CRISPLD2: variants seen among roughly 807,000 people sequenced by gnomAD.
CRISPLD2 encodes cysteine rich secretory protein LCCL domain containing 2.
Under a neutral mutation model 71.1 loss-of-function variants are expected in CRISPLD2, and 47 were observed. That is an observed-to-expected ratio of 0.66 (90% CI 0.52 to 0.84). CRISPLD2 has a LOEUF of 0.84. Ranked by LOEUF, CRISPLD2 falls within the 40% of genes least tolerant of loss-of-function variation. The pLI is 0.00. For missense variants in CRISPLD2, 830 were observed against 651.1 expected, an observed-to-expected ratio of 1.27 and a Z score of -2.99; for synonymous variants, 317 against 250.1, an observed-to-expected ratio of 1.27 and a Z score of -2.52.
chr16:84,909,497 C>T lies in CRISPLD2; in HGVS notation c.*2855C>T, dbSNP rs1354190568. On this transcript the variant is annotated 3_prime_UTR_variant, in exon 15 of 15. Coordinates refer to ENST00000262424, the MANE Select transcript of CRISPLD2 (RefSeq NM_031476.4). Reference sequence around the variant, plus strand: ...AATCTGAACAATTTGTGAAATAAAACATTGAAAACCATCTTTCAGGCTCTG... The same window carrying T: ...AATCTGAACAATTTGTGAAATAAAATATTGAAAACCATCTTTCAGGCTCTG... 1 of 152,614 alleles carries T rather than the reference C, an allele frequency of 6.6e-6. No homozygotes were observed. The highest frequency in any genetic ancestry group is 2.4e-5 in the African/African-American group (1 of 41,442). 9.5% of individuals were successfully genotyped at this position (152,614 alleles called of 1,614,324 possible). A position where few individuals can be genotyped will look rare whatever the true frequency, so the allele number is the denominator to read the frequency against.
In CRISPLD2 at chr16:84,866,931, G is replaced by C. The variant is rs373648189; in HGVS notation, c.744G>C (p.Glu248Asp). The C allele has an allele frequency of 3.2e-5, 52 of 1,614,074 alleles. 1 individual carries two copies. The South Asian group carries it at 5.4e-4, about 17-fold the overall frequency. The stretch of plus-strand genomic sequence containing the variant: ...ACACTCCAAAACCTGAAACGGACGA[G>C]ATGAATGAGGTGGAAACGGCTCCCA... ...ETYTPKPETD[E>D]MNEVETAPIP... is the part of the protein sequence containing the mutation. The change falls in exon 7 of 15, where the codon GAG becomes GAC. Residue 248 changes from glutamate to aspartate, a missense_variant. Coordinates refer to ENST00000262424, the MANE Select transcript of CRISPLD2 (RefSeq NM_031476.4).
chr16:84,849,681 G>C (rs1369083671), intron 4 of CRISPLD2, among the ~76,000 whole-genome samples, 164 bp downstream of exon 4: 1 of 151,932 alleles, frequency 6.6e-6, no homozygotes, highest in Non-Finnish European at 1.5e-5. Flanking sequence ...GAAGCTGTTT[G>C]TTACCAGCAA....
chr16:84,849,421 T>C lies in CRISPLD2; in HGVS notation c.396T>C (p.Tyr132=). 1 of 1,614,128 alleles carries C rather than the reference T, an allele frequency of 6.2e-7. No homozygotes were observed. Among genetic ancestry groups the C allele is most frequent in the Non-Finnish European group, 8.5e-7 (1 of 1,179,996 alleles). Residue 132 remains tyrosine (Y), a synonymous_variant, in exon 4 of 15, where the codon TAT becomes TAC. Coordinates refer to ENST00000262424, the MANE Select transcript of CRISPLD2 (RefSeq NM_031476.4). The part of the protein sequence containing the change: ...RSPGFHVQSW[Y]DEVKDYTYPY... ...CGGGGTTCCATGTGCAGTCCTGGTATGACGAGGTGAAGGACTACACCTACC... is the reference window on the plus strand; with the variant it reads ...CGGGGTTCCATGTGCAGTCCTGGTACGACGAGGTGAAGGACTACACCTACC...
At chr16:84,853,512 A>G (rs1417419525) in intron 5 of CRISPLD2, among the ~76,000 whole-genome samples, 1 of 152,168 alleles carries the variant, frequency 6.6e-6, no homozygotes, top group African/African-American at 2.4e-5. Context: ...CCCACACTGC[A>G]CGGCCCACTG....
At chr16:84,856,939 C>T (rs1180447543) in intron 6 of CRISPLD2, among the ~76,000 whole-genome samples, 1 of 152,208 alleles carries the variant, frequency 6.6e-6, no homozygotes, top group African/African-American at 2.4e-5. Context: ...GTAGTCTTGG[C>T]AGAAGCATTG....
chr16:84,844,782 G>A (rs986802945), intron 2 of CRISPLD2, among the ~76,000 whole-genome samples: 3 of 152,228 alleles, frequency 2.0e-5, no homozygotes, highest in African/African-American at 4.8e-5. Flanking sequence ...AGGGGCCCTC[G>A]TCTGCTTTTC....
Position 84,834,316 on chromosome 16 carries a change from G to C in CRISPLD2, c.-74-4106G>C, listed in dbSNP as rs148984825. 7.9e-3 allele frequency among the ~76,000 whole-genome samples: 1,205 copies of C among 152,352 alleles called. 13 individuals are homozygous for C. The highest frequency in any genetic ancestry group is 0.027 in the African/African-American group (1,135 of 41,584). On this transcript the variant is annotated intron_variant, in intron 1 of 14. Transcript: ENST00000262424. ...GTTGGCAAGCCCGGGACCACTTGGAGGTCCATCCCATTTGGAAAGAGTTTG... is the reference window on the plus strand; with the variant it reads ...GTTGGCAAGCCCGGGACCACTTGGACGTCCATCCCATTTGGAAAGAGTTTG...
In CRISPLD2 at chr16:84,838,408, C is replaced by A; in HGVS notation, c.-74-14C>A. 6.6e-7 allele frequency: 1 copy of A among 1,520,834 alleles called. No individual in the cohort carries two copies. The highest frequency in any genetic ancestry group is 1.4e-5 in the African/African-American group (1 of 72,680). 94.2% of individuals were successfully genotyped at this position (1,520,834 alleles called of 1,614,324 possible). On this transcript the variant is annotated splice_polypyrimidine_tract_variant and intron_variant, in intron 1 of 14. Coordinates refer to ENST00000262424, the MANE Select transcript of CRISPLD2 (RefSeq NM_031476.4). Reference sequence around the variant, plus strand: ...CTAATGCGACTTCTCCCACCACCCTCTGCTTCCTTTCAGAGCTCAAGCGCC... The same window carrying A: ...CTAATGCGACTTCTCCCACCACCCTATGCTTCCTTTCAGAGCTCAAGCGCC...
At chr16:84,858,278 C>G (rs1019364090) in intron 6 of CRISPLD2, among the ~76,000 whole-genome samples, 1 of 152,104 alleles carries the variant, frequency 6.6e-6, no homozygotes, top group African/African-American at 2.4e-5. Context: ...TGTTCTGGAC[C>G]CCACTCAAAA....
At chr16:84,842,414 G>A (rs1283987851) in intron 2 of CRISPLD2, 13 of 140,698 alleles carry the variant, frequency 9.2e-5, no homozygotes, top group African/African-American at 2.9e-4. Flanking sequence ...TAGCACTGTC[G>A]CCTAGGCTGG....
intron 2 of CRISPLD2, among the ~76,000 whole-genome samples, chr16:84,841,313 C>T (rs1916763883): frequency 6.6e-6 from 1 of 152,066 alleles, no homozygotes; most frequent in South Asian, 2.1e-4. Context: ...GGTGTGAAAG[C>T]CACCACCGCC....
In CRISPLD2 at chr16:84,867,018, A is replaced by T. The variant is rs1318757649; in HGVS notation, c.831A>T (p.Lys277Asn). ...TGATGAGACCCACCAAGCCCAAGAA[A>T]ACCTCTGCGGTCAACTACATGAGTG... Reference protein sequence around the residue: ...PRVMRPTKPKKTSAVNYMTQV... With the variant: ...PRVMRPTKPKNTSAVNYMTQV... The change falls in exon 7 of 15, where the codon AAA becomes AAT. Residue 277 changes from lysine to asparagine, a missense_variant. Lys to Asn is a moderately conservative substitution (Grantham distance 94). Coordinates refer to ENST00000262424, the MANE Select transcript of CRISPLD2 (RefSeq NM_031476.4). 2 of 1,614,006 alleles carry T rather than the reference A, an allele frequency of 1.2e-6. No individual in the cohort carries two copies. Among genetic ancestry groups the T allele is most frequent in the Non-Finnish European group, 8.5e-7 (1 of 1,180,002 alleles).
At chr16:84,845,725 A>G in intron 2 of CRISPLD2, 61 bp from the exon 3 acceptor site, 8 of 1,131,246 alleles carry the variant, frequency 7.1e-6, no homozygotes, top group Non-Finnish European at 7.9e-6. Context: ...TGCTGTATTT[A>G]TGGTTCTTAT....
At chr16:84,836,198 A>G (rs1208693453) in intron 1 of CRISPLD2, 1 of 152,222 alleles carries the variant, frequency 6.6e-6, no homozygotes, top group African/African-American at 2.4e-5. Flanking sequence ...TCCCCAAGAT[A>G]TCTCATTATG....
At chr16:84,885,246 G>C (rs1398867970) in intron 13 of CRISPLD2, among the ~76,000 whole-genome samples, 1 of 148,088 alleles carries the variant, frequency 6.8e-6, no homozygotes, top group South Asian at 2.2e-4. Context: ...AATTGTGTTC[G>C]CTTACCAAAC....
Position 84,889,356 on chromosome 16 carries a change from T to C in CRISPLD2, c.1432T>C (p.Ser478Pro). The C allele has an allele frequency of 6.2e-7, 1 of 1,611,996 alleles. No homozygotes were observed. Residue 478 changes from serine to proline, a missense_variant, in exon 14 of 15, where the codon TCT becomes CCT. Ser to Pro is a moderately conservative substitution (Grantham distance 74). Transcript: ENST00000262424. ...YVGSLRNGVQSESLGTPRDGK... is the reference protein window; with the variant it reads ...YVGSLRNGVQPESLGTPRDGK... ...GGGCTCGCTCAGGAATGGAGTTCAGTCTGAAAGGTAGGGTGGTGTTCTCCA... is the reference window on the plus strand; with the variant it reads ...GGGCTCGCTCAGGAATGGAGTTCAGCCTGAAAGGTAGGGTGGTGTTCTCCA...
intron 14 of CRISPLD2, among the ~76,000 whole-genome samples, chr16:84,901,468 CTTT>C (rs564314509): frequency 8.8e-4 from 105 of 119,014 alleles, no homozygotes; most frequent in East Asian, 1.7e-3. Flanking sequence ...CCTGGCTGCA[CTTT>C]TTTTTTTTTT....
intron 14 of CRISPLD2, among the ~76,000 whole-genome samples, chr16:84,904,607 T>TA (rs901197383): frequency 2.1e-5 from 3 of 139,962 alleles, no homozygotes; most frequent in Admixed American, 1.4e-4. Context: ...AAAAAAAATT[T>TA]AAAAAAAAAA....
chr16:84,892,975 CAAAAAAAAA>C (rs35939092), intron 14 of CRISPLD2, among the ~76,000 whole-genome samples: 3 of 64,946 alleles, frequency 4.6e-5, no homozygotes, highest in African/African-American at 6.1e-5. Flanking sequence ...GACTCCATCT[CAAAAAAAAA>C]AAAAAAAAAA....
Sources: allele counts gnomAD v4.1 joint callset (sites outside exome capture counted in the v4.1 genomes callset), GRCh38; gene constraint gnomAD v4.1.1; transcripts MANE v1.5; gene names NCBI Gene and HGNC (gene_info 2026-07-23, HGNC 2026-07-21).